The following RABGAP1 variants were observed in gnomAD, a reference collection of about 807,000 sequenced individuals.
RABGAP1 encodes RAB GTPase activating protein 1.
In RABGAP1, 23 loss-of-function variants were observed where a neutral mutation model predicts 137.6. That is an observed-to-expected ratio of 0.17 (90% confidence interval 0.12 to 0.24). The LOEUF (loss-of-function observed/expected upper bound fraction) is 0.24. RABGAP1 is among the 10% of genes least tolerant of loss of function. RABGAP1 has a pLI of 1.00. For synonymous variants in RABGAP1, 451 were observed against 450.7 expected (o/e 1.00, Z -0.01); for missense variants, 906 against 1,275.8 (o/e 0.71, Z 4.42).
At chr9:123,059,703 G>T (rs1173000852) in intron 13 of RABGAP1, among the ~76,000 whole-genome samples, 2 of 152,186 alleles carry the variant, frequency 1.3e-5, no homozygotes, top group Non-Finnish European at 2.9e-5. Flanking sequence ...GAGACCTAGA[G>T]AGCTGCCCTG....
chr9:123,072,387 T>C (rs892568016), intron 15 of RABGAP1, among the ~76,000 whole-genome samples: 1 of 152,208 alleles, frequency 6.6e-6, no homozygotes, highest in Non-Finnish European at 1.5e-5. Context: ...TTTTGTTGTT[T>C]TAATGAGACT....
At chr9:122,986,121 A>AC in intron 3 of RABGAP1, 94 bp from the exon 4 acceptor site, 1 of 1,138,418 alleles carries the variant, frequency 8.8e-7, no homozygotes, top group Non-Finnish European at 1.3e-6. Flanking sequence ...TTAATTTTAG[A>AC]CCTTAAATGT....
chr9:123,046,804 C>T (rs2033227895), intron 13 of RABGAP1, among the ~76,000 whole-genome samples: 1 of 152,086 alleles, frequency 6.6e-6, no homozygotes, highest in Admixed American at 6.5e-5. Flanking sequence ...GGATTTAATT[C>T]TATTTAGGAA....
chr9:123,090,245 G>A lies in RABGAP1; in HGVS notation c.2518-30G>A, dbSNP rs370750979. The A allele has an allele frequency of 5.9e-6, 9 of 1,534,896 alleles. No individual in the cohort carries two copies. In the African/African-American group the frequency reaches 8.2e-5, roughly 14 times the overall value. On this transcript the variant is annotated intron_variant, in intron 20 of 25. Coordinates refer to ENST00000373647, the MANE Select transcript of RABGAP1 (RefSeq NM_012197.4). ...TTTCATTTCCATCTGATTTTTATGTGTCTGTAACTGGTTTCTTTCTACCCT... is the reference window on the plus strand; with the variant it reads ...TTTCATTTCCATCTGATTTTTATGTATCTGTAACTGGTTTCTTTCTACCCT...
At chr9:123,001,106 C>G (rs1368188279) in intron 10 of RABGAP1, among the ~76,000 whole-genome samples, 1 of 152,288 alleles carries the variant, frequency 6.6e-6, no homozygotes, top group East Asian at 1.9e-4. Flanking sequence ...CCTCGGCCTC[C>G]CAAAGTGCTG....
intron 1 of RABGAP1, among the ~76,000 whole-genome samples, chr9:122,955,271 A>T (rs1035000393): frequency 6.6e-6 from 1 of 152,104 alleles, no homozygotes; most frequent in Non-Finnish European, 1.5e-5. Flanking sequence ...ATTAGGTACG[A>T]TTTGCTTCTG....
chr9:123,045,115 CAT>C (rs1230469897), intron 13 of RABGAP1, among the ~76,000 whole-genome samples: 2 of 152,164 alleles, frequency 1.3e-5, no homozygotes, highest in African/African-American at 4.8e-5. Flanking sequence ...TAAAAGTAAT[CAT>C]ATTTTCAAAG....
intron 10 of RABGAP1, among the ~76,000 whole-genome samples, chr9:123,001,897 A>G (rs928467100): frequency 2.0e-5 from 3 of 152,224 alleles, no homozygotes; most frequent in Non-Finnish European, 4.4e-5. Context: ...AAAAAGCACT[A>G]AGTCATGAAA....
intron 19 of RABGAP1, among the ~76,000 whole-genome samples, chr9:123,089,088 CAAT>C (rs1389717317): frequency 2.0e-5 from 3 of 149,458 alleles, no homozygotes; most frequent in Admixed American, 6.7e-5. Flanking sequence ...AGAAAGAGAA[CAAT>C]AATCTGATGG....
At chr9:123,079,034 TCTTCC>T (rs2034613181) in intron 19 of RABGAP1, among the ~76,000 whole-genome samples, 1 of 152,196 alleles carries the variant, frequency 6.6e-6, no homozygotes, top group East Asian at 1.9e-4. Context: ...GTATCATTTT[TCTTCC>T]TGTTTCATGC....
chr9:122,978,118 G>GTCAA (rs1156716076), intron 2 of RABGAP1, among the ~76,000 whole-genome samples: 1 of 146,720 alleles, frequency 6.8e-6, no homozygotes, highest in Non-Finnish European at 1.5e-5. Flanking sequence ...GACCAGCACA[G>GTCAA]TCAAGATGGG....
chr9:123,097,995 C>T (rs2035234261), intron 22 of RABGAP1, 150 bp downstream of exon 22: 1 of 622,904 alleles, frequency 1.6e-6, no homozygotes, highest in Non-Finnish European at 2.7e-6. Flanking sequence ...TGTGTAAAGT[C>T]CAATGGTTCC....
At chr9:122,953,812 T>C (rs138905648) in intron 1 of RABGAP1, among the ~76,000 whole-genome samples, 1 of 152,340 alleles carries the variant, frequency 6.6e-6, no homozygotes, top group African/African-American at 2.4e-5. Context: ...ACTTTTTCCT[T>C]GGGTGGCTCT....
intron 13 of RABGAP1, among the ~76,000 whole-genome samples, chr9:123,051,383 G>A (rs2033463802): frequency 6.6e-6 from 1 of 151,508 alleles, no homozygotes; most frequent in Admixed American, 6.6e-5. Context: ...GAGTTGCTGG[G>A]ATTACAGGCA....
intron 14 of RABGAP1, among the ~76,000 whole-genome samples, chr9:123,068,662 G>A (rs1564174749): frequency 1.4e-5 from 2 of 146,996 alleles, no homozygotes; most frequent in South Asian, 2.2e-4. Context: ...AAGTATGTAT[G>A]TTTCTCATCC....
In RABGAP1 at chr9:123,050,611, T is replaced by C. The variant is rs927184914; in HGVS notation, c.1795-14737T>C. Among the ~76,000 whole-genome samples the C allele has an allele frequency of 3.9e-5, 6 of 152,260 alleles. No individual in the cohort carries two copies. In the South Asian group the frequency reaches 1.2e-3, roughly 31 times the overall value. On this transcript the variant is annotated intron_variant, in intron 13 of 25. Transcript: ENST00000373647. ...GATGAAGATGTTTTTGTATTGTCAG[T>C]GTTAAGTGAGCCCACCAATCGATAC...
chr9:122,994,911 G>A (rs961314274), intron 6 of RABGAP1, among the ~76,000 whole-genome samples: 2 of 152,076 alleles, frequency 1.3e-5, no homozygotes, highest in African/African-American at 4.8e-5. Flanking sequence ...GAGCCCATGA[G>A]TTCGAGACCA....
intron 14 of RABGAP1, among the ~76,000 whole-genome samples, chr9:123,068,898 C>T (rs1208148312): frequency 6.6e-6 from 1 of 152,220 alleles, no homozygotes; most frequent in Admixed American, 6.5e-5. Context: ...ATACCCAATT[C>T]TAAGTTGCTT....
chr9:122,993,199 A>T (rs891690473), intron 6 of RABGAP1, among the ~76,000 whole-genome samples: 7 of 152,156 alleles, frequency 4.6e-5, no homozygotes. Context: ...TTACTTTAAC[A>T]TAAATATAGA....
Sources: allele counts gnomAD v4.1 joint callset (sites outside exome capture counted in the v4.1 genomes callset), GRCh38; gene constraint gnomAD v4.1.1; transcripts MANE v1.5; gene names NCBI Gene and HGNC (gene_info 2026-07-23, HGNC 2026-07-21).